SDHA: variants seen among roughly 807,000 people sequenced by gnomAD.
SDHA encodes succinate dehydrogenase [ubiquinone] flavoprotein subunit, mitochondrial.
SDHA carries 48 observed loss-of-function variants against 78.4 expected under a neutral mutation model. That is an observed-to-expected ratio of 0.61 (90% CI 0.49 to 0.78). SDHA has a LOEUF of 0.78. Ranked by LOEUF, SDHA falls within the 30% of genes least tolerant of loss-of-function variation. The probability of loss-of-function intolerance (pLI) is 0.00; values close to 1 mark genes in which losing one functional copy is unlikely to be tolerated. For missense variants in SDHA, 680 were observed against 892.7 expected (o/e 0.76, Z 3.04); for synonymous variants, 326 against 353.9 (o/e 0.92, Z 0.88).
rs1313979056 is a variant in SDHA, at chr5:234,437, A to AC, written c.1065-707_1065-706insC. 105 of 144,040 alleles carry AC rather than the reference A, an allele frequency of 7.3e-4. 2 individuals are homozygous for AC. The highest frequency in any genetic ancestry group is 2.0e-3 in the Admixed American group (28 of 14,010). The allele number at this position is 144,040 out of a possible 1,614,324, so 8.9% of individuals were successfully genotyped here. ...CTGTCTCAAAAAAAAAAAAAAAAAA[A>AC]AAAAAAACAGAGAAGTCAAATGGTT... On this transcript the variant is annotated intron_variant, in intron 8 of 14. Transcript: ENST00000264932.
chr5:235,464 T>C (rs947625922), intron 9 of SDHA, 125 bp downstream of exon 9: 1 of 947,584 alleles, frequency 1.1e-6, no homozygotes, highest in Non-Finnish European at 1.7e-6. Context: ...TACTGTATTG[T>C]TTTCTAGATT....
chr5:262,316 CCGTCAGAGCATTACCG>C, the SDHA span, among the ~76,000 whole-genome samples: 2 of 111,298 alleles, frequency 1.8e-5, no homozygotes, highest in East Asian at 2.5e-4. Context: ...GCTCCGCCTC[CCGTCAGAGCATTACCG>C]TGTGAGCTCC....
chr5:230,441 A>G (rs181994905), intron 6 of SDHA, among the ~76,000 whole-genome samples: 32 of 152,278 alleles, frequency 2.1e-4, no homozygotes, highest in African/African-American at 7.2e-4. Flanking sequence ...AGCCTGGCCA[A>G]CATGGTGAAA....
At chr5:222,379 T>A (rs6882086) in intron 1 of SDHA, among the ~76,000 whole-genome samples, 7 of 147,816 alleles carry the variant, frequency 4.7e-5, no homozygotes, top group Admixed American at 2.0e-4. Context: ...ACGTTGTCTC[T>A]CTCTGTTGCC....
downstream of SDHA, among the ~76,000 whole-genome samples, chr5:258,544 T>G (rs71597621): frequency 1.0e-5 from 1 of 96,146 alleles, no homozygotes; most frequent in South Asian, 3.6e-4. Flanking sequence ...GAGCTCCTTC[T>G]CCTCTCAGAG....
chr5:227,351 T>C (rs1425677244), intron 5 of SDHA, among the ~76,000 whole-genome samples: 1 of 152,210 alleles, frequency 6.6e-6, no homozygotes, highest in African/African-American at 2.4e-5. Context: ...GAAGAAAGAC[T>C]TGAGGTGACA....
At chr5:230,329 T>C (rs772459295) in intron 6 of SDHA, among the ~76,000 whole-genome samples, 25 of 152,208 alleles carry the variant, frequency 1.6e-4, no homozygotes, top group Admixed American at 4.6e-4. Context: ...AGCACAAAGC[T>C]AAAATACAAA....
chr5:238,673 C>T (rs1298890606), intron 10 of SDHA, among the ~76,000 whole-genome samples: 1 of 152,178 alleles, frequency 6.6e-6, no homozygotes, highest in Non-Finnish European at 1.5e-5. Context: ...ATTGGTAGAA[C>T]TGAGGCTGGG....
Position 233,458 on chromosome 5 carries a change from T to C in SDHA, c.896-19T>C. 6.2e-7 allele frequency: 1 copy of C among 1,612,938 alleles called. No homozygotes were observed. The highest frequency in any genetic ancestry group is 8.5e-7 in the Non-Finnish European group (1 of 1,178,998). On this transcript the variant is annotated intron_variant, in intron 7 of 14. Transcript: ENST00000264932. ...GATCTAGCAATTGTTAGGTAATAAA[T>C]ATGTGTGGTTTTTTGCAGGCATATA...
chr5:258,802 G>A (rs1431962165), downstream of SDHA, among the ~76,000 whole-genome samples: 1 of 88,026 alleles, frequency 1.1e-5, no homozygotes, highest in African/African-American at 7.7e-5. Context: ...TCCGCCTCCC[G>A]TCACAGCATT....
chr5:263,857 T>TGC, the SDHA span, among the ~76,000 whole-genome samples: 1 of 151,396 alleles, frequency 6.6e-6, no homozygotes, highest in African/African-American at 2.4e-5. Flanking sequence ...CTAGACTGCC[T>TGC]CAAAAAAAAC....
intron 11 of SDHA, among the ~76,000 whole-genome samples, chr5:240,779 CTT>C: frequency 6.6e-6 from 1 of 152,004 alleles, no homozygotes; most frequent in East Asian, 1.9e-4. Flanking sequence ...ATGTGTGACA[CTT>C]GACCTTCTGA....
At position 244,671 on chromosome 5, in the gene SDHA, A is replaced by G. The variant is rs139320317; in HGVS notation, c.1551+4195A>G. On this transcript the variant is annotated intron_variant, in intron 11 of 14. Transcript: ENST00000264932. ...ACAGCACTGGCCGTCTGTGTGGCCA[A>G]TTCAACCTGCTCAATTTAACATAGT... Among the ~76,000 whole-genome samples, 529 of 152,326 alleles carry G rather than the reference A, an allele frequency of 3.5e-3. 1 individual carries two copies. The highest frequency in any genetic ancestry group is 5.7e-3 in the Non-Finnish European group (391 of 68,024).
At chr5:231,366 C>T (rs756063102) in intron 7 of SDHA, among the ~76,000 whole-genome samples, 8 of 148,832 alleles carry the variant, frequency 5.4e-5, no homozygotes, top group Non-Finnish European at 1.0e-4. Context: ...TCGAGACCAG[C>T]CTGACCAACA....
At chr5:224,576 C>T (rs1203218456) in intron 3 of SDHA, 55 bp downstream of exon 3, 7 of 1,592,932 alleles carry the variant, frequency 4.4e-6, no homozygotes, top group African/African-American at 1.4e-5. Context: ...CGCGCAGCCT[C>T]GCACTTTCTA....
intron 11 of SDHA, among the ~76,000 whole-genome samples, chr5:245,978 C>T (rs1736424746): frequency 6.6e-6 from 1 of 152,236 alleles, no homozygotes; most frequent in Admixed American, 6.5e-5. Flanking sequence ...TATTTTCTAT[C>T]CTTAGAGGAG....
chr5:268,081 A>C, the SDHA span, among the ~76,000 whole-genome samples: 1 of 152,224 alleles, frequency 6.6e-6, no homozygotes, highest in African/African-American at 2.4e-5. Flanking sequence ...TAGAAGCAGC[A>C]GGGACTGCAG....
At chr5:258,846 CTG>C (rs1554003493), downstream of SDHA, among the ~76,000 whole-genome samples, 1 of 72,782 alleles carries the variant, frequency 1.4e-5, no homozygotes, top group Non-Finnish European at 2.6e-5. Context: ...CAGAGCATTA[CTG>C]TGAGCTCCTT....
chr5:256,593 G>T lies in SDHA; in HGVS notation c.*173G>T. On this transcript the variant is annotated 3_prime_UTR_variant, in exon 15 of 15. Coordinates refer to ENST00000264932, the MANE Select transcript of SDHA (RefSeq NM_004168.4). ...GAGCTTGCCAGGAACCCAGTGGCCA[G>T]GGAGCGTGGCACTTACCTTTGTCCC... 1.5e-6 allele frequency: 1 copy of T among 672,166 alleles called. No homozygotes were observed. Among genetic ancestry groups the T allele is most frequent in the South Asian group, 1.7e-5 (1 of 60,586 alleles). The allele number at this position is 672,166 out of a possible 1,614,324, so 41.6% of individuals were successfully genotyped here.
Sources: allele counts gnomAD v4.1 joint callset (sites outside exome capture counted in the v4.1 genomes callset), GRCh38; gene constraint gnomAD v4.1.1; transcripts MANE v1.5; gene names NCBI Gene and HGNC (gene_info 2026-07-23, HGNC 2026-07-21).